SCAF1: variants seen among roughly 807,000 people sequenced by gnomAD.
SCAF1 encodes the protein SR-related CTD associated factor 1.
Under a neutral mutation model 91.2 loss-of-function variants are expected in SCAF1, and 28 were observed. The observed-to-expected ratio is 0.31, with a 90% CI of 0.23 to 0.42. The LOEUF (loss-of-function observed/expected upper bound fraction) is 0.42, where lower values mean the gene tolerates loss of function less well. SCAF1 is among the 10% of genes least tolerant of loss of function. SCAF1 has a pLI of 1.00. For synonymous variants in SCAF1, 1,036 were observed against 833.7 expected (o/e 1.24, Z -4.18); for missense variants, 1,893 against 1,872.1 (o/e 1.01, Z -0.21).
Position 49,658,242 on chromosome 19 carries a change from T to A in SCAF1, c.3782T>A (p.Val1261Glu). ...AGCAAAAGTGGGGAAATCAACCCAG[T>A]GAAGGTGAGCAACCTGGTGCGGGCC... Reference protein sequence around the residue: ...CHSKSGEINPVKVSNLVRAYV... With the variant: ...CHSKSGEINPEKVSNLVRAYV... The change falls in exon 11 of 11, where the codon GTG becomes GAG. Residue 1261 changes from valine (V) to glutamate (E), a missense_variant. By Grantham distance (121) the Val-to-Glu change is moderately radical (BLOSUM62 -2). Coordinates refer to ENST00000360565, the MANE Select transcript of SCAF1 (RefSeq NM_021228.3). The A allele has an allele frequency of 6.2e-7, 1 of 1,613,578 alleles. No individual in the cohort carries two copies. The highest frequency in any genetic ancestry group is 8.5e-7 in the Non-Finnish European group (1 of 1,179,836).
rs1272397921 is a variant in SCAF1, at chr19:49,652,748, G to A, written c.2359G>A (p.Asp787Asn). Residue 787 changes from aspartate (D) to asparagine (N), a missense_variant, in exon 7 of 11, where the codon GAC (aspartate) becomes AAC (asparagine). Physicochemically the swap from Asp to Asn is conservative, Grantham distance 23. This residue lies in a region of SCAF1 where 1,436 missense variants were observed against 1,306.8 expected (regional missense o/e 1.10). Coordinates refer to ENST00000360565, the MANE Select transcript of SCAF1 (RefSeq NM_021228.3). Reference protein sequence around the residue: ...DRDRDRDRDRDRDRSSKKARP... With the variant: ...DRDRDRDRDRNRDRSSKKARP... ...GGATCGGGACAGGGACAGAGATAGGGACAGGGACAGGTCATCCAAGAAGGC... is the reference window on the plus strand; with the variant it reads ...GGATCGGGACAGGGACAGAGATAGGAACAGGGACAGGTCATCCAAGAAGGC... The A allele has an allele frequency of 6.2e-7, 1 of 1,609,510 alleles. No homozygotes were observed. Among genetic ancestry groups the A allele is most frequent in the Non-Finnish European group, 8.5e-7 (1 of 1,178,274 alleles).
intron 6 of SCAF1, among the ~76,000 whole-genome samples, chr19:49,649,875 G>C (rs907470490): frequency 6.6e-5 from 10 of 152,232 alleles, no homozygotes; most frequent in Non-Finnish European, 1.0e-4. Context: ...CCACTTGCCT[G>C]TGGTCATGTG....
chr19:49,648,550 T>C (rs996170638), intron 6 of SCAF1, among the ~76,000 whole-genome samples: 10 of 143,794 alleles, frequency 7.0e-5, no homozygotes, highest in African/African-American at 2.6e-4. Context: ...TGAGCCACCA[T>C]GCCTGCCACA....
Position 49,646,181 on chromosome 19 carries a change from AG to A in SCAF1, c.245del (p.Gly82AlafsTer20). The A allele has an allele frequency of 1.3e-6, 2 of 1,582,892 alleles. No homozygotes were observed. Reference sequence around the variant, plus strand: ...GGTCAGAGCCCCGTTCCCAGGAATCAGGGGGCACTGACACGGCTACTGTGAG... The same window carrying A: ...GGTCAGAGCCCCGTTCCCAGGAATCAGGGGCACTGACACGGCTACTGTGAG... ...PRSEPRSQESGGTDTATVLDM... is the reference protein window; with the variant it reads ...PRSEPRSQESXGTDTATVLDM... On this transcript the variant is annotated frameshift_variant, in exon 4 of 11. Transcript: ENST00000360565. LOFTEE classifies it high-confidence loss of function. The surrounding 1 kb of genome is among the most constrained non-coding windows in gnomAD (Gnocchi z 5.6).
chr19:49,647,106 G>A (rs1047777358), intron 6 of SCAF1, among the ~76,000 whole-genome samples: 3 of 152,344 alleles, frequency 2.0e-5, no homozygotes, highest in East Asian at 1.9e-4. Context: ...CCCCAGGAGG[G>A]GGACTCTTCG....
Position 49,653,536 on chromosome 19 carries a change from C to A in SCAF1, c.3147C>A (p.Ser1049Arg). ...EQQPATTTATSTAAAAPSTAP... is the reference protein window; with the variant it reads ...EQQPATTTATRTAAAAPSTAP... ...AGCCTGCTACCACCACGGCCACCAG[C>A]ACTGCTGCAGCCGCCCCAAGCACTG... Residue 1049 changes from serine (S) to arginine (R), a missense_variant, in exon 7 of 11, where the codon AGC (serine) becomes AGA (arginine). This residue lies in a region of SCAF1 where 1,436 missense variants were observed against 1,306.8 expected (regional missense o/e 1.10). Coordinates refer to ENST00000360565, the MANE Select transcript of SCAF1 (RefSeq NM_021228.3). The A allele has an allele frequency of 1.9e-6, 3 of 1,580,760 alleles. No individual in the cohort carries two copies. The highest frequency in any genetic ancestry group is 1.1e-5 in the South Asian group (1 of 87,268).
intron 9 of SCAF1, among the ~76,000 whole-genome samples, chr19:49,656,401 C>T (rs1011044696): frequency 6.6e-6 from 1 of 152,182 alleles, no homozygotes; most frequent in Admixed American, 6.5e-5. Context: ...CTCCTGGAGT[C>T]GGCTAGCCAT....
At position 49,652,506 on chromosome 19, in the gene SCAF1, C is replaced by T. The variant is rs567899323; in HGVS notation, c.2117C>T (p.Thr706Met). Reference protein sequence around the residue: ...HDLFAIKRTITVGRLDKSDPR... With the variant: ...HDLFAIKRTIMVGRLDKSDPR... ...CTCTTCGCCATCAAGCGGACCATCA[C>T]GGTGGGCCGGCTTGACAAGTCCGAC... The change falls in exon 7 of 11, where the codon ACG (threonine) becomes ATG (methionine). Residue 706 changes from threonine (T) to methionine (M), a missense_variant. Thr to Met is a moderately conservative substitution (Grantham distance 81). Coordinates refer to ENST00000360565, the MANE Select transcript of SCAF1 (RefSeq NM_021228.3). 3 of 1,581,952 alleles carry T rather than the reference C, an allele frequency of 1.9e-6. No homozygotes were observed. Among genetic ancestry groups the T allele is most frequent in the African/African-American group, 1.3e-5 (1 of 74,196 alleles).
chr19:49,644,888 TGGAGGAGAGGAGG>T, intron 1 of SCAF1, 120 bp from the exon 2 acceptor site: 1 of 629,078 alleles, frequency 1.6e-6, no homozygotes, highest in South Asian at 1.9e-5. Context: ...TGGGAGGAGG[TGGAGGAGAGGAGG>T]GGTGCCAGAG....
rs1233534352 is a variant in SCAF1 at position 49,658,277 on chromosome 19, C to T, written c.3817C>T (p.Arg1273Cys). Residue 1273 changes from arginine to cysteine, a missense_variant, in exon 11 of 11, where the codon CGC becomes TGC. Around this residue, in one of 5 missense-constraint regions of SCAF1, gnomAD observed 56 missense variants for 106.3 expected, o/e 0.53. Coordinates refer to ENST00000360565, the MANE Select transcript of SCAF1 (RefSeq NM_021228.3). ...CAACCTGGTGCGGGCCTACGTCCAG[C>T]GCTACCGCTACTTCCGCAAGCACGG... ...VSNLVRAYVQ[R>C]YRYFRKHGRK... 6.2e-7 allele frequency: 1 copy of T among 1,613,194 alleles called. No homozygotes were observed. The highest frequency in any genetic ancestry group is 8.5e-7 in the Non-Finnish European group (1 of 1,179,748).
In SCAF1 at chr19:49,654,840, C is replaced by T. The variant is rs746778286; in HGVS notation, c.3588C>T (p.Ser1196=). ...CGTCTGACAAGAGAGAGGGCAGCAG[C>T]AGCTCTGAGGGCCGTGGGGACACAG... ...AATSDKREGS[S]SSEGRGDTDK... The change falls in exon 9 of 11, where the codon AGC becomes AGT. Residue 1196 remains serine (S), a synonymous_variant. Transcript: ENST00000360565. The T allele has an allele frequency of 7.5e-6, 12 of 1,608,994 alleles. No homozygotes were observed. Among genetic ancestry groups the T allele is most frequent in the Non-Finnish European group, 9.3e-6 (11 of 1,177,016 alleles).
At chr19:49,647,175 G>A (rs891566351) in intron 6 of SCAF1, among the ~76,000 whole-genome samples, 2 of 152,228 alleles carry the variant, frequency 1.3e-5, no homozygotes, top group Non-Finnish European at 2.9e-5. Flanking sequence ...GCCCAAGGGC[G>A]CACAGCCAGA....
intron 6 of SCAF1, among the ~76,000 whole-genome samples, chr19:49,649,968 C>T (rs1243206748): frequency 1.3e-5 from 2 of 152,232 alleles, no homozygotes; most frequent in Non-Finnish European, 2.9e-5. Flanking sequence ...ACTGTCCTCA[C>T]ACCACTCTGC....
intron 9 of SCAF1, 130 bp from the exon 10 acceptor site, chr19:49,657,631 G>C (rs944524591): frequency 8.4e-7 from 1 of 1,195,332 alleles, no homozygotes; most frequent in Non-Finnish European, 1.2e-6. Context: ...ACCCTCAGCA[G>C]GACTTCCAGC....
intron 6 of SCAF1, among the ~76,000 whole-genome samples, chr19:49,650,587 G>A (rs1028831362): frequency 1.3e-5 from 2 of 152,144 alleles, no homozygotes; most frequent in African/African-American, 2.4e-5. Context: ...GTGCAGGTTC[G>A]GGGCCGCACT....
chr19:49,646,258 TG>T lies in SCAF1; in HGVS notation c.261+61del. On this transcript the variant is annotated intron_variant, in intron 4 of 10. Coordinates refer to ENST00000360565, the MANE Select transcript of SCAF1 (RefSeq NM_021228.3). The surrounding 1 kb of genome is among the most constrained non-coding windows in gnomAD (Gnocchi z 5.6). ...CTCACGGGTATCAGGGAGGAAGGGA[TG>T]GGGGCCTGAGTCTGGGGGAATGGGG... The T allele has an allele frequency of 1.8e-6, 1 of 569,428 alleles. No individual in the cohort carries two copies. Among genetic ancestry groups the T allele is most frequent in the Non-Finnish European group, 2.6e-6 (1 of 381,058 alleles). 35.3% of individuals were successfully genotyped at this position (569,428 alleles called of 1,614,324 possible).
At position 49,652,619 on chromosome 19, in the gene SCAF1, G is replaced by C; in HGVS notation, c.2230G>C (p.Gly744Arg). The change falls in exon 7 of 11, where the codon GGC (glycine) becomes CGC (arginine). Residue 744 changes from glycine (G) to arginine (R), a missense_variant. Physicochemically the swap from Gly to Arg is moderately radical, Grantham distance 125. Coordinates refer to ENST00000360565, the MANE Select transcript of SCAF1 (RefSeq NM_021228.3). ...GGGACTGAGCGGCGAGGAGCGGGGC[G>C]GCAAGAGCAGCCAGAAGGATCGGCG... The part of the protein sequence containing the change: ...SEGLSGEERG[G>R]KSSQKDRRRS... 6.4e-7 allele frequency: 1 copy of C among 1,562,754 alleles called. No individual in the cohort carries two copies. Among genetic ancestry groups the C allele is most frequent in the South Asian group, 1.2e-5 (1 of 85,648 alleles).
chr19:49,646,765 A>T lies in SCAF1; in HGVS notation c.413A>T (p.Asp138Val). Residue 138 changes from aspartate (D) to valine (V), a missense_variant, in exon 6 of 11, where the codon GAT (aspartate) becomes GTT (valine). This residue lies in a region of SCAF1 where 270 missense variants were observed against 292.5 expected (regional missense o/e 0.92). Transcript: ENST00000360565. This position sits in a 1 kb window ranked among gnomAD's most constrained non-coding sequence, Gnocchi z 5.6. Reference protein sequence around the residue: ...LVAEVRIGDRDPIPLPVPSLL... With the variant: ...LVAEVRIGDRVPIPLPVPSLL... ...GCTGAGGTCCGAATCGGGGACAGAGATCCCATCCCTCTGCCTGTGCCCAGC... is the reference window on the plus strand; with the variant it reads ...GCTGAGGTCCGAATCGGGGACAGAGTTCCCATCCCTCTGCCTGTGCCCAGC... 1.2e-6 allele frequency: 2 copies of T among 1,613,886 alleles called. No homozygotes were observed. The highest frequency in any genetic ancestry group is 1.7e-6 in the Non-Finnish European group (2 of 1,180,000).
Position 49,653,442 on chromosome 19 carries a change from G to A in SCAF1, c.3053G>A (p.Arg1018Gln), listed in dbSNP as rs751024807. 51 of 1,547,048 alleles carry A rather than the reference G, an allele frequency of 3.3e-5. No individual in the cohort carries two copies. The highest frequency in any genetic ancestry group is 1.8e-4 in the Middle Eastern group (1 of 5,546). Residue 1018 changes from arginine to glutamine, a missense_variant, in exon 7 of 11, where the codon CGA becomes CAA. Around this residue, in one of 5 missense-constraint regions of SCAF1, gnomAD observed 1,436 missense variants for 1,306.8 expected, o/e 1.10. Coordinates refer to ENST00000360565, the MANE Select transcript of SCAF1 (RefSeq NM_021228.3). ...PEEATEEAGVRGGAEEEEEEE... is the reference protein window; with the variant it reads ...PEEATEEAGVQGGAEEEEEEE... Reference sequence around the variant, plus strand: ...GAGGCCACTGAGGAGGCTGGGGTCCGAGGTGGGGCGGAGGAGGAGGAGGAG... The same window carrying A: ...GAGGCCACTGAGGAGGCTGGGGTCCAAGGTGGGGCGGAGGAGGAGGAGGAG...
Sources: gnomAD v4.1 joint callset for allele counts (sites outside exome capture counted in the v4.1 genomes callset) on GRCh38, gnomAD v4.1.1 for gene constraint, gnomAD v4.1.1 regional missense constraint, Gnocchi (gnomAD v3.1) non-coding constraint, MANE v1.5 for transcripts, NCBI Gene and HGNC (gene_info 2026-07-23, HGNC 2026-07-21) for gene names.